The following ZFPM2 variants were observed in gnomAD, a reference collection of about 807,000 sequenced individuals.
ZFPM2 encodes zinc finger protein ZFPM2.
A neutral mutation model predicts 98.6 loss-of-function variants in ZFPM2; 20 were observed. The observed-to-expected ratio is 0.20, with a 90% confidence interval of 0.14 to 0.29. The LOEUF is 0.29. ZFPM2 is among the 10% of genes least tolerant of loss of function. ZFPM2 has a pLI of 1.00. For missense variants in ZFPM2, 1,310 were observed against 1,388.6 expected, an observed-to-expected ratio of 0.94 and a Z score of 0.90; for synonymous variants, 518 against 502.7, an observed-to-expected ratio of 1.03 and a Z score of -0.41.
chr8:105,697,080 T>C (rs1420045107), intron 5 of ZFPM2, among the ~76,000 whole-genome samples: 1 of 152,236 alleles, frequency 6.6e-6, no homozygotes. Context: ...GATTATCTGC[T>C]AATCTGACAA....
chr8:105,514,332 T>C (rs1813876390), intron 3 of ZFPM2, among the ~76,000 whole-genome samples: 1 of 99,872 alleles, frequency 1.0e-5, no homozygotes, highest in South Asian at 3.2e-4. Flanking sequence ...TTTTTTTTTT[T>C]TTTTAAATAA....
intron 3 of ZFPM2, among the ~76,000 whole-genome samples, chr8:105,508,648 C>T (rs770112916): frequency 1.2e-4 from 18 of 152,062 alleles, no homozygotes; most frequent in South Asian, 2.1e-4. Flanking sequence ...TGCCAGAGAC[C>T]AGATGCACCT....
At chr8:105,701,349 G>A (rs1304492026) in intron 5 of ZFPM2, among the ~76,000 whole-genome samples, 1 of 152,126 alleles carries the variant, frequency 6.6e-6, no homozygotes, top group Non-Finnish European at 1.5e-5. Context: ...ATCTTATGTG[G>A]AATTTCCTAC....
chr8:105,570,750 G>C (rs1325869230), intron 4 of ZFPM2, among the ~76,000 whole-genome samples: 1 of 152,090 alleles, frequency 6.6e-6, no homozygotes, highest in Non-Finnish European at 1.5e-5. Context: ...GATTTGAAAG[G>C]TGGAAACACA....
intron 1 of ZFPM2, among the ~76,000 whole-genome samples, chr8:105,412,454 AATAAC>A (rs1293607213): frequency 1.3e-5 from 2 of 151,858 alleles, no homozygotes; most frequent in South Asian, 2.1e-4. Context: ...ATATATAAGA[AATAAC>A]ATAACACATG....
At chr8:105,335,457 A>C (rs1298955216) in intron 1 of ZFPM2, among the ~76,000 whole-genome samples, 1 of 151,822 alleles carries the variant, frequency 6.6e-6, no homozygotes, top group Non-Finnish European at 1.5e-5. Context: ...GGCATTATAC[A>C]ATGACTTTAT....
chr8:105,507,101 T>G (rs920794507), intron 3 of ZFPM2, among the ~76,000 whole-genome samples: 3 of 152,086 alleles, frequency 2.0e-5, no homozygotes, highest in African/African-American at 2.4e-5. Context: ...CAAGGCCAGG[T>G]TTAAAGTTCA....
intron 1 of ZFPM2, among the ~76,000 whole-genome samples, chr8:105,364,148 G>A (rs1481254989): frequency 6.6e-6 from 1 of 151,912 alleles, no homozygotes; most frequent in Non-Finnish European, 1.5e-5. Flanking sequence ...AAGTTGGGGA[G>A]ACTTAAAATG....
chr8:105,619,013 T>C (rs1816475629), intron 4 of ZFPM2, among the ~76,000 whole-genome samples: 1 of 152,200 alleles, frequency 6.6e-6, no homozygotes, highest in South Asian at 2.1e-4. Context: ...GTTTAATAGA[T>C]GCAGAGGTGC....
At chr8:105,548,899 T>C (rs1319465999) in intron 3 of ZFPM2, among the ~76,000 whole-genome samples, 3 of 152,204 alleles carry the variant, frequency 2.0e-5, no homozygotes, top group Non-Finnish European at 4.4e-5. Context: ...ACTGGCATTG[T>C]AAGTGTTTAA....
intron 2 of ZFPM2, among the ~76,000 whole-genome samples, chr8:105,437,249 T>G (rs1812139166): frequency 6.6e-6 from 1 of 152,198 alleles, no homozygotes. Flanking sequence ...TTGTAGTGCT[T>G]CTTTAAATAC....
chr8:105,480,913 G>A (rs565272606), intron 3 of ZFPM2, among the ~76,000 whole-genome samples: 8 of 152,176 alleles, frequency 5.3e-5, no homozygotes, highest in African/African-American at 1.9e-4. Flanking sequence ...ACCATGCTCA[G>A]CTAATTTTTT....
At chr8:105,442,331 G>A (rs577862401) in intron 2 of ZFPM2, among the ~76,000 whole-genome samples, 3 of 152,190 alleles carry the variant, frequency 2.0e-5, no homozygotes, top group South Asian at 2.1e-4. Flanking sequence ...GTGACAGAGC[G>A]AGACTCCGTC....
intron 1 of ZFPM2, among the ~76,000 whole-genome samples, chr8:105,401,309 A>G (rs1383906343): frequency 6.6e-6 from 1 of 152,042 alleles, no homozygotes; most frequent in Non-Finnish European, 1.5e-5. Flanking sequence ...AAATGGAACA[A>G]GCTTTTTAAA....
chr8:105,345,656 T>C (rs2129684820), intron 1 of ZFPM2, among the ~76,000 whole-genome samples: 1 of 152,222 alleles, frequency 6.6e-6, no homozygotes, highest in Admixed American at 6.5e-5. Context: ...ACTGTTCAGC[T>C]TGTTCAGACA....
At chr8:105,390,613 G>A (rs892198436) in intron 1 of ZFPM2, among the ~76,000 whole-genome samples, 1 of 152,148 alleles carries the variant, frequency 6.6e-6, no homozygotes, top group African/African-American at 2.4e-5. Context: ...ACAGTGAGGG[G>A]CCTACTTTGA....
At chr8:105,371,992 T>C (rs1810629864) in intron 1 of ZFPM2, among the ~76,000 whole-genome samples, 1 of 150,246 alleles carries the variant, frequency 6.7e-6, no homozygotes, top group Admixed American at 6.7e-5. Context: ...CACAAAATGA[T>C]AAAAATAGTG....
chr8:105,366,646 T>A (rs1219068734), intron 1 of ZFPM2, among the ~76,000 whole-genome samples: 1 of 149,968 alleles, frequency 6.7e-6, no homozygotes, highest in African/African-American at 2.4e-5. Flanking sequence ...ATTAGGTGTA[T>A]CTCCCAGTGC....
chr8:105,392,328 A>G (rs991768863), intron 1 of ZFPM2, among the ~76,000 whole-genome samples: 3 of 152,190 alleles, frequency 2.0e-5, no homozygotes, highest in African/African-American at 7.2e-5. Context: ...TTCATTTAAA[A>G]CTTGTTCTTT....
Sources: allele counts gnomAD v4.1 joint callset (sites outside exome capture counted in the v4.1 genomes callset), GRCh38; gene constraint gnomAD v4.1.1; transcripts MANE v1.5; gene names NCBI Gene and HGNC (gene_info 2026-07-23, HGNC 2026-07-21).